The following CAPZB variants were observed in gnomAD, a reference collection of about 807,000 sequenced individuals.
The protein encoded by CAPZB is capping actin protein of muscle Z-line subunit beta.
CAPZB carries 2 observed loss-of-function variants against 38.1 expected under a neutral mutation model. The ratio of observed to expected loss-of-function variants is 0.05; its 90% confidence interval spans 0.02 to 0.17. The LOEUF (loss-of-function observed/expected upper bound fraction) is 0.17. Ranked by LOEUF, CAPZB falls within the 10% of genes least tolerant of loss-of-function variation. The pLI is 1.00. For synonymous variants in CAPZB, 107 were observed against 127.4 expected (o/e 0.84, Z 1.08); for missense variants, 161 against 334.2 (o/e 0.48, Z 4.04).
chr1:19,474,846 A>G (rs543656113), intron 1 of CAPZB, among the ~76,000 whole-genome samples: 3 of 152,336 alleles, frequency 2.0e-5, no homozygotes, highest in Admixed American at 6.5e-5. Context: ...ACTTACACCC[A>G]GAGAAACAAA....
intron 1 of CAPZB, among the ~76,000 whole-genome samples, chr1:19,441,485 G>GCA (rs1385706971): frequency 1.3e-5 from 2 of 152,174 alleles, no homozygotes; most frequent in Non-Finnish European, 2.9e-5. Context: ...GTGAGGTATA[G>GCA]CACACTCATT....
At chr1:19,392,820 A>G (rs1172721839) in intron 2 of CAPZB, among the ~76,000 whole-genome samples, 1 of 152,202 alleles carries the variant, frequency 6.6e-6, no homozygotes, top group Non-Finnish European at 1.5e-5. Context: ...TATGTATAAT[A>G]GGTAATACAT....
chr1:19,351,298 TAATAA>T (rs1558176150), intron 6 of CAPZB, among the ~76,000 whole-genome samples: 1 of 151,264 alleles, frequency 6.6e-6, no homozygotes, highest in Non-Finnish European at 1.5e-5. Flanking sequence ...TTTTTTTTTT[TAATAA>T]AATTTGTTTA....
intron 1 of CAPZB, among the ~76,000 whole-genome samples, chr1:19,438,914 A>C (rs2094466938): frequency 6.6e-6 from 1 of 152,230 alleles, no homozygotes; most frequent in South Asian, 2.1e-4. Flanking sequence ...GATAGAGGAA[A>C]GTGGCTTAGA....
At position 19,356,866 on chromosome 1, in the gene CAPZB, T is replaced by C; in HGVS notation, c.472-115A>G. ...GGTCATTATCACAATATTACCTTTT[T>C]TTTTTTTAAATTGGAGACAAAGTCT... On this transcript the variant is annotated intron_variant, in intron 5 of 8. Coordinates refer to ENST00000264202, the MANE Select transcript of CAPZB (RefSeq NM_004930.5). The surrounding 1 kb of genome is among the most constrained non-coding windows in gnomAD (Gnocchi z 4.3). 1.4e-6 allele frequency: 1 copy of C among 701,980 alleles called. No individual in the cohort carries two copies. The highest frequency in any genetic ancestry group is 2.5e-6 in the Non-Finnish European group (1 of 406,966). 43.5% of individuals were successfully genotyped at this position (701,980 alleles called of 1,614,324 possible). A position where few individuals can be genotyped will look rare whatever the true frequency, so the allele number is the denominator to read the frequency against.
chr1:19,459,190 CT>C (rs1475919851), intron 1 of CAPZB, among the ~76,000 whole-genome samples: 1 of 152,178 alleles, frequency 6.6e-6, no homozygotes, highest in Admixed American at 6.5e-5. Flanking sequence ...GCTAATTTTA[CT>C]CAACAAAGTA....
At chr1:19,481,170 C>T (rs2094627183) in intron 1 of CAPZB, among the ~76,000 whole-genome samples, 1 of 152,204 alleles carries the variant, frequency 6.6e-6, no homozygotes. Flanking sequence ...ACCGTTCTAA[C>T]AGAGTGCATA....
At chr1:19,385,462 G>A (rs758746460) in intron 3 of CAPZB, 43 bp downstream of exon 3, 9 of 1,609,546 alleles carry the variant, frequency 5.6e-6, no homozygotes, top group African/African-American at 2.7e-5. Flanking sequence ...GGCAGCCCGC[G>A]TGTGCCTGCT....
At chr1:19,354,660 G>A (rs1279172917) in intron 6 of CAPZB, among the ~76,000 whole-genome samples, 2 of 152,248 alleles carry the variant, frequency 1.3e-5, no homozygotes, top group African/African-American at 4.8e-5. Flanking sequence ...CTCACGGCAA[G>A]CCGGAACCAG....
In CAPZB at chr1:19,472,581, G is replaced by C. The variant is rs575229836; in HGVS notation, c.3+12855C>G. On this transcript the variant is annotated intron_variant, in intron 1 of 8. Coordinates refer to ENST00000264202, the MANE Select transcript of CAPZB (RefSeq NM_004930.5). Reference sequence around the variant, plus strand: ...AAGAGGAGGAGAAAGGGAAGTGAGGGGCAGGACTATGCAGTACCCAAGGAC... The same window carrying C: ...AAGAGGAGGAGAAAGGGAAGTGAGGCGCAGGACTATGCAGTACCCAAGGAC... Among the ~76,000 whole-genome samples the C allele has an allele frequency of 3.3e-5, 5 of 152,186 alleles. No individual in the cohort carries two copies. In the South Asian group the frequency reaches 1.0e-3, roughly 32 times the overall value.
At chr1:19,450,762 T>C (rs1051030364) in intron 1 of CAPZB, among the ~76,000 whole-genome samples, 2 of 152,166 alleles carry the variant, frequency 1.3e-5, no homozygotes, top group Non-Finnish European at 2.9e-5. Context: ...ATGTTAGGCT[T>C]GTATTGCAAA....
At chr1:19,406,351 T>A (rs72959347) in intron 2 of CAPZB, among the ~76,000 whole-genome samples, 9,078 of 152,220 alleles carry the variant, frequency 0.06, 889 homozygotes, top group African/African-American at 0.21. Context: ...TGGGGTCTTG[T>A]GCTTGTTACC....
Position 19,484,737 on chromosome 1 carries a change from G to A in CAPZB, c.3+699C>T, listed in dbSNP as rs929166998. 2.0e-5 allele frequency: 21 copies of A among 1,043,996 alleles called. No homozygotes were observed. In the African/African-American group the frequency reaches 3.0e-4, roughly 15 times the overall value. 64.7% of individuals were successfully genotyped at this position (1,043,996 alleles called of 1,614,324 possible). ...AGGCTCAGGGCGGGGACCGAGCGGG[G>A]CTGACGCAGGTTACGCTAGGAGTGG... is the stretch of plus-strand genomic sequence containing the variant. On this transcript the variant is annotated intron_variant, in intron 1 of 8. Coordinates refer to ENST00000264202, the MANE Select transcript of CAPZB (RefSeq NM_004930.5).
At chr1:19,478,318 G>C (rs2094614212) in intron 1 of CAPZB, among the ~76,000 whole-genome samples, 1 of 152,202 alleles carries the variant, frequency 6.6e-6, no homozygotes, top group Admixed American at 6.5e-5. Context: ...CATGTTAACA[G>C]AATAACCACA....
intron 8 of CAPZB, chr1:19,342,987 G>A (rs1315462362): frequency 7.2e-6 from 5 of 696,396 alleles, no homozygotes; most frequent in South Asian, 4.7e-5. Flanking sequence ...GGGGGATGCC[G>A]TGGCGGCTCT....
At chr1:19,367,648 C>G (rs1259606322) in intron 4 of CAPZB, among the ~76,000 whole-genome samples, 1 of 152,170 alleles carries the variant, frequency 6.6e-6, no homozygotes, top group African/African-American at 2.4e-5. Context: ...GACAGGTATT[C>G]AGCGGAAATT....
chr1:19,396,204 C>T (rs1040301310), intron 2 of CAPZB, among the ~76,000 whole-genome samples: 3 of 152,190 alleles, frequency 2.0e-5, no homozygotes, highest in Non-Finnish European at 4.4e-5. Context: ...GCTGTCTGGA[C>T]GGCCTCATGC....
At chr1:19,484,142 A>T (rs2094641342) in intron 1 of CAPZB, 1 of 1,581,378 alleles carries the variant, frequency 6.3e-7, no homozygotes, top group African/African-American at 1.3e-5. Flanking sequence ...CTTTACCAAA[A>T]CAAACACCAC....
At chr1:19,366,320 A>C (rs1440315311) in intron 4 of CAPZB, among the ~76,000 whole-genome samples, 1 of 145,750 alleles carries the variant, frequency 6.9e-6, no homozygotes, top group Non-Finnish European at 1.5e-5. Flanking sequence ...AAATAAAATA[A>C]ATGGTCATGA....
Sources: gnomAD v4.1 joint callset for allele counts (sites outside exome capture counted in the v4.1 genomes callset) on GRCh38, gnomAD v4.1.1 for gene constraint, Gnocchi (gnomAD v3.1) non-coding constraint, MANE v1.5 for transcripts, NCBI Gene and HGNC (gene_info 2026-07-23, HGNC 2026-07-21) for gene names.